Variants in TNR observed in about 807,000 individuals in gnomAD.
TNR encodes tenascin-R.
A neutral mutation model predicts 150.4 loss-of-function variants in TNR; 45 were observed. That is an observed-to-expected ratio of 0.30 (90% confidence interval 0.24 to 0.38). The LOEUF (loss-of-function observed/expected upper bound fraction) is 0.38, where lower values mean the gene tolerates loss of function less well. TNR is among the 10% of genes least tolerant of loss of function. The probability of loss-of-function intolerance (pLI) is 1.00; values close to 1 mark genes in which losing one functional copy is unlikely to be tolerated. For missense variants in TNR, 1,544 were observed against 1,759.1 expected, an observed-to-expected ratio of 0.88 and a Z score of 2.19; for synonymous variants, 687 against 678.4, an observed-to-expected ratio of 1.01 and a Z score of -0.20.
At chr1:175,367,103 C>A in intron 10 of TNR, 105 bp downstream of exon 10, 1 of 959,768 alleles carries the variant, frequency 1.0e-6, no homozygotes. Flanking sequence ...GCCCTGTTCA[C>A]TGGAAGACAT....
chr1:175,608,860 T>C (rs1663502972), intron 1 of TNR, among the ~76,000 whole-genome samples: 1 of 152,214 alleles, frequency 6.6e-6, no homozygotes, highest in Non-Finnish European at 1.5e-5. Context: ...AGCTGGATGC[T>C]GCCAGGCAGG....
intron 18 of TNR, among the ~76,000 whole-genome samples, chr1:175,350,244 C>A (rs1488363543): frequency 6.6e-6 from 1 of 152,174 alleles, no homozygotes; most frequent in Non-Finnish European, 1.5e-5. Flanking sequence ...AAGAAAACTT[C>A]TTATTATCCA....
intron 2 of TNR, among the ~76,000 whole-genome samples, chr1:175,463,098 A>G (rs1402343139): frequency 1.3e-5 from 2 of 152,174 alleles, no homozygotes; most frequent in South Asian, 2.1e-4. Context: ...TCTGAATCGC[A>G]CTGGAGAATC....
chr1:175,731,951 C>A (rs1667652120), intron 1 of TNR, among the ~76,000 whole-genome samples: 1 of 152,198 alleles, frequency 6.6e-6, no homozygotes, highest in South Asian at 2.1e-4. Flanking sequence ...TTGTGGGTGG[C>A]TATAAAGTGC....
chr1:175,636,772 T>C (rs73033348), intron 1 of TNR, among the ~76,000 whole-genome samples: 2,166 of 152,302 alleles, frequency 0.014, 51 homozygotes, highest in African/African-American at 0.05. Flanking sequence ...CTCACAAACC[T>C]CAACAAACTC....
intron 2 of TNR, among the ~76,000 whole-genome samples, chr1:175,475,586 C>G (rs1657513567): frequency 6.6e-6 from 1 of 152,240 alleles, no homozygotes; most frequent in African/African-American, 2.4e-5. Flanking sequence ...TCATGCAGTT[C>G]TGGGATGGTG....
Position 175,406,376 on chromosome 1 carries a change from G to T in TNR, c.339C>A (p.Thr113=), listed in dbSNP as rs766760893. The T allele has an allele frequency of 1.9e-6, 3 of 1,614,162 alleles. No individual in the cohort carries two copies. Among genetic ancestry groups the T allele is most frequent in the Non-Finnish European group, 1.7e-6 (2 of 1,180,028 alleles). The change falls in exon 3 of 23, where the codon ACC becomes ACA. Residue 113 remains threonine, a synonymous_variant. Transcript: ENST00000367674. The stretch of plus-strand genomic sequence containing the variant: ...TGGGGAAGTTGATCCTGTGTGTAAA[G>T]GTGACCTGGCTCTCGTGGTCTGAGG... The part of the protein sequence containing the change: ...GQTSDHESQV[T]FTHRINFPKK...
chr1:175,410,741 G>A (rs1432717401), intron 2 of TNR, among the ~76,000 whole-genome samples: 2 of 152,214 alleles, frequency 1.3e-5, no homozygotes, highest in African/African-American at 4.8e-5. Context: ...CTCTGGAGGT[G>A]ACTGGCAGAG....
intron 1 of TNR, among the ~76,000 whole-genome samples, chr1:175,532,890 T>C (rs1660128133): frequency 6.6e-6 from 1 of 151,878 alleles, no homozygotes; most frequent in Non-Finnish European, 1.5e-5. Context: ...TCTGAGAAAG[T>C]GCACGGTGGA....
intron 2 of TNR, among the ~76,000 whole-genome samples, chr1:175,512,564 CA>C (rs756407168): frequency 1.3e-5 from 2 of 152,176 alleles, no homozygotes; most frequent in East Asian, 1.9e-4. Context: ...CTGGTGAAAA[CA>C]GCTGACCTGA....
chr1:175,406,136 G>A, intron 3 of TNR, 80 bp downstream of exon 3: 1 of 1,525,796 alleles, frequency 6.6e-7, no homozygotes, highest in Non-Finnish European at 8.8e-7. Context: ...AAGTGCATTG[G>A]TCCTTCTTGT....
At chr1:175,636,366 T>C (rs1664491501) in intron 1 of TNR, among the ~76,000 whole-genome samples, 3 of 152,160 alleles carry the variant, frequency 2.0e-5, no homozygotes, top group African/African-American at 7.2e-5. Context: ...GTCTCAGTCA[T>C]AGTTTCTCCC....
chr1:175,431,004 C>A (rs1049035724), intron 2 of TNR, among the ~76,000 whole-genome samples: 2 of 152,086 alleles, frequency 1.3e-5, no homozygotes, highest in African/African-American at 4.8e-5. Flanking sequence ...TATACATGGG[C>A]TAGGGGAGAT....
At chr1:175,399,242 T>C (rs1356814708) in intron 4 of TNR, among the ~76,000 whole-genome samples, 1 of 152,230 alleles carries the variant, frequency 6.6e-6, no homozygotes, top group Non-Finnish European at 1.5e-5. Context: ...GCAGGACTTC[T>C]GTCATAGTGG....
At chr1:175,379,272 A>G (rs1652556862) in intron 9 of TNR, among the ~76,000 whole-genome samples, 1 of 151,808 alleles carries the variant, frequency 6.6e-6, no homozygotes, top group Non-Finnish European at 1.5e-5. Flanking sequence ...TTAAGATAAT[A>G]GATGAGAACC....
chr1:175,516,495 G>T (rs1485221816), intron 2 of TNR, among the ~76,000 whole-genome samples: 1 of 152,202 alleles, frequency 6.6e-6, no homozygotes, highest in Non-Finnish European at 1.5e-5. Context: ...GGGGACCAAG[G>T]AGAGAGGGAG....
intron 1 of TNR, among the ~76,000 whole-genome samples, chr1:175,554,937 C>T (rs994338052): frequency 2.0e-5 from 3 of 152,202 alleles, no homozygotes; most frequent in Non-Finnish European, 4.4e-5. Context: ...ATGCCAAGGT[C>T]ATCCAGCAGT....
Position 175,318,500 on chromosome 1 carries a change from C to G in TNR, c.*4857G>C, listed in dbSNP as rs1055460855. On this transcript the variant is annotated 3_prime_UTR_variant, in exon 23 of 23. Coordinates refer to ENST00000367674, the MANE Select transcript of TNR (RefSeq NM_003285.3). ...TTAAAGCATATAGGAGTTACTTTCCCTGCTTGCTTTTGAAAGTTTTCATTT... is the reference window on the plus strand; with the variant it reads ...TTAAAGCATATAGGAGTTACTTTCCGTGCTTGCTTTTGAAAGTTTTCATTT... The G allele has an allele frequency of 3.5e-4, 54 of 152,204 alleles. No homozygotes were observed. Among genetic ancestry groups the G allele is most frequent in the African/African-American group, 1.3e-3 (52 of 41,442 alleles). 9.4% of individuals were successfully genotyped at this position (152,204 alleles called of 1,614,324 possible). A position where few individuals can be genotyped will look rare whatever the true frequency, so the allele number is the denominator to read the frequency against.
chr1:175,444,175 G>A lies in TNR; in HGVS notation c.-63-37398C>T, dbSNP rs118126523. On this transcript the variant is annotated intron_variant, in intron 2 of 22. Transcript: ENST00000367674. The stretch of plus-strand genomic sequence containing the variant: ...AAAATTAAAACCAGCATACAAAGCC[G>A]AGGCATCTGATAGAGACAATATAAC... Among the ~76,000 whole-genome samples the A allele has an allele frequency of 7.1e-3, 1,088 of 152,276 alleles. 81 individuals are homozygous for A. In the East Asian group the frequency reaches 0.17, roughly 24 times the overall value.
Sources: allele counts gnomAD v4.1 joint callset (sites outside exome capture counted in the v4.1 genomes callset), GRCh38; gene constraint gnomAD v4.1.1; transcripts MANE v1.5; gene names NCBI Gene and HGNC (gene_info 2026-07-23, HGNC 2026-07-21).